Variants in MEGF9 observed in about 807,000 individuals in gnomAD.
MEGF9 encodes the protein multiple epidermal growth factor-like domains protein 9.
MEGF9 carries 6 observed loss-of-function variants against 46.8 expected under a neutral mutation model. The ratio of observed to expected loss-of-function variants is 0.13; its 90% CI spans 0.07 to 0.25. The LOEUF is 0.25. Among genes scored for constraint, MEGF9 ranks in the 10% least tolerant of loss-of-function variants. The pLI, the probability that MEGF9 is intolerant of heterozygous loss-of-function variation, is 1.00. For synonymous variants in MEGF9, 302 were observed against 330.7 expected, an observed-to-expected ratio of 0.91 and a Z score of 0.94; for missense variants, 683 against 792.4, an observed-to-expected ratio of 0.86 and a Z score of 1.66.
chr9:120,688,817 G>T (rs187604899), intron 1 of MEGF9, among the ~76,000 whole-genome samples: 1 of 152,184 alleles, frequency 6.6e-6, no homozygotes, highest in East Asian at 1.9e-4. Context: ...GGTTTAAAAG[G>T]TTCAAAGCAA....
chr9:120,611,392 A>G (rs1485305282), intron 4 of MEGF9, among the ~76,000 whole-genome samples: 1 of 152,202 alleles, frequency 6.6e-6, no homozygotes, highest in Non-Finnish European at 1.5e-5. Flanking sequence ...GGTATAACAC[A>G]ATAATATATT....
At chr9:120,623,833 A>C (rs1279450744) in intron 2 of MEGF9, among the ~76,000 whole-genome samples, 2 of 152,248 alleles carry the variant, frequency 1.3e-5, no homozygotes, top group Non-Finnish European at 2.9e-5. Context: ...TACCTTTCAA[A>C]GAATGGCTTA....
intron 5 of MEGF9, among the ~76,000 whole-genome samples, chr9:120,606,093 G>A (rs764728569): frequency 4.0e-5 from 6 of 151,230 alleles, no homozygotes; most frequent in Non-Finnish European, 5.9e-5. Context: ...ACTGTTTGAA[G>A]CTGGGAGGCA....
intron 3 of MEGF9, among the ~76,000 whole-genome samples, chr9:120,621,332 A>G (rs1223211670): frequency 6.6e-6 from 1 of 152,160 alleles, no homozygotes; most frequent in Admixed American, 6.5e-5. Context: ...TGTGTCCCAC[A>G]TCTTCCCTGC....
At chr9:120,606,058 G>A (rs1426379135) in intron 5 of MEGF9, among the ~76,000 whole-genome samples, 2 of 151,762 alleles carry the variant, frequency 1.3e-5, no homozygotes, top group Admixed American at 1.3e-4. Flanking sequence ...TGTAATCCCA[G>A]CTACTCGAGA....
intron 2 of MEGF9, among the ~76,000 whole-genome samples, chr9:120,628,000 G>A (rs761471071): frequency 4.6e-5 from 7 of 152,276 alleles, no homozygotes; most frequent in South Asian, 2.1e-4. Context: ...ACTTTGGGAA[G>A]AGACTGAAAC....
At chr9:120,661,926 G>C (rs985742734) in intron 1 of MEGF9, among the ~76,000 whole-genome samples, 1 of 152,072 alleles carries the variant, frequency 6.6e-6, no homozygotes, top group Non-Finnish European at 1.5e-5. Flanking sequence ...TCTCCTGCTG[G>C]ACCTATTTTA....
intron 2 of MEGF9, among the ~76,000 whole-genome samples, chr9:120,632,502 C>A (rs1329753029): frequency 6.6e-6 from 1 of 151,982 alleles, no homozygotes. Flanking sequence ...TTTGGTGGAG[C>A]TTTTAGGGTT....
rs959191101 is a variant in MEGF9, at chr9:120,684,309, C to T, written c.602-24734G>A. Among the ~76,000 whole-genome samples, 23 of 152,258 alleles carry T rather than the reference C, an allele frequency of 1.5e-4. 1 individual carries two copies. In the East Asian group the frequency reaches 1.7e-3, roughly 11 times the overall value. ...GCTTTCTGAATAAACACTCCAAGGT[C>T]GAAAATATACCTGTCTGCAGTTGTC... On this transcript the variant is annotated intron_variant, in intron 1 of 5. Coordinates refer to ENST00000373930, the MANE Select transcript of MEGF9 (RefSeq NM_001080497.3).
intron 4 of MEGF9, among the ~76,000 whole-genome samples, chr9:120,611,881 G>GAA (rs1302665418): frequency 2.2e-4 from 33 of 147,158 alleles, no homozygotes; most frequent in African/African-American, 8.0e-4. Flanking sequence ...GAGAGAGAGA[G>GAA]AGAGAAAGAA....
chr9:120,679,122 T>C (rs965503272), intron 1 of MEGF9, among the ~76,000 whole-genome samples: 5 of 152,242 alleles, frequency 3.3e-5, no homozygotes, highest in Admixed American at 2.0e-4. Flanking sequence ...ATCTCATTAC[T>C]GGGTATATAA....
At chr9:120,690,138 A>G (rs1289936601) in intron 1 of MEGF9, 3 of 358,470 alleles carry the variant, frequency 8.4e-6, no homozygotes, top group African/African-American at 6.4e-5. Flanking sequence ...AACTAAACTA[A>G]TATCAAAGTC....
At chr9:120,668,572 C>G (rs1416515048) in intron 1 of MEGF9, among the ~76,000 whole-genome samples, 1 of 152,176 alleles carries the variant, frequency 6.6e-6, no homozygotes, top group Non-Finnish European at 1.5e-5. Flanking sequence ...TAGTGCTTGT[C>G]CCTGGCTCAC....
At chr9:120,701,421 C>CT (rs1239859246) in intron 1 of MEGF9, among the ~76,000 whole-genome samples, 1 of 152,164 alleles carries the variant, frequency 6.6e-6, no homozygotes, top group Non-Finnish European at 1.5e-5. Flanking sequence ...ATTCCTACTC[C>CT]TTATCTTTTT....
At chr9:120,661,187 C>T (rs1167928224) in intron 1 of MEGF9, among the ~76,000 whole-genome samples, 1 of 152,196 alleles carries the variant, frequency 6.6e-6, no homozygotes, top group Non-Finnish European at 1.5e-5. Context: ...TTTCCCTGCT[C>T]TTCACAGCTC....
At chr9:120,663,491 A>C (rs576413834) in intron 1 of MEGF9, among the ~76,000 whole-genome samples, 2 of 152,342 alleles carry the variant, frequency 1.3e-5, no homozygotes, top group Admixed American at 1.3e-4. Context: ...AATATGAAAA[A>C]GAAGGAAGGA....
intron 2 of MEGF9, among the ~76,000 whole-genome samples, chr9:120,627,474 T>C (rs994945647): frequency 6.6e-6 from 1 of 152,206 alleles, no homozygotes; most frequent in African/African-American, 2.4e-5. Context: ...TTTTTCTTTT[T>C]TTTGAGATGG....
rs144757780 is a variant in MEGF9, at chr9:120,671,658, G to A, written c.602-12083C>T. Among the ~76,000 whole-genome samples, 801 of 152,278 alleles carry A rather than the reference G, an allele frequency of 5.3e-3. 10 individuals carry two copies. The highest frequency in any genetic ancestry group is 0.018 in the African/African-American group (757 of 41,560). On this transcript the variant is annotated intron_variant, in intron 1 of 5. Coordinates refer to ENST00000373930, the MANE Select transcript of MEGF9 (RefSeq NM_001080497.3). Reference sequence around the variant, plus strand: ...AGAGAAATCTCCAGGCCCAGATGGCGTCACTGGAGAATTCTACTAAGCATT... The same window carrying A: ...AGAGAAATCTCCAGGCCCAGATGGCATCACTGGAGAATTCTACTAAGCATT...
intron 1 of MEGF9, among the ~76,000 whole-genome samples, chr9:120,666,926 G>A (rs780340826): frequency 1.3e-5 from 2 of 152,264 alleles, no homozygotes; most frequent in Non-Finnish European, 2.9e-5. Context: ...GGAGCTGGGG[G>A]CAGGAGGGAA....
Sources: allele counts gnomAD v4.1 joint callset (sites outside exome capture counted in the v4.1 genomes callset), GRCh38; gene constraint gnomAD v4.1.1; transcripts MANE v1.5; gene names NCBI Gene and HGNC (gene_info 2026-07-23, HGNC 2026-07-21).